The following POLR1E variants were observed in gnomAD, a reference collection of about 807,000 sequenced individuals.
POLR1E encodes the protein DNA-directed RNA polymerase I subunit RPA49.
In POLR1E, 37 loss-of-function variants were observed where a neutral mutation model predicts 50.9. That is an observed-to-expected ratio of 0.73 (90% confidence interval 0.56 to 0.96). The LOEUF (loss-of-function observed/expected upper bound fraction) is 0.96, where lower values mean the gene tolerates loss of function less well. Ranked by LOEUF, POLR1E falls within the 40% of genes least tolerant of loss-of-function variation. The pLI, the probability that POLR1E is intolerant of heterozygous loss-of-function variation, is 0.00. For missense variants in POLR1E, 426 were observed against 518.1 expected, an observed-to-expected ratio of 0.82 and a Z score of 1.73; for synonymous variants, 166 against 191.6, an observed-to-expected ratio of 0.87 and a Z score of 1.10.
At chr9:37,502,091 G>A (rs756033674) in intron 11 of POLR1E, among the ~76,000 whole-genome samples, 1 of 152,184 alleles carries the variant, frequency 6.6e-6, no homozygotes, top group Non-Finnish European at 1.5e-5. Context: ...AACAATTGAA[G>A]AATCAGGCTC....
chr9:37,492,421 T>TG (rs1428794070), intron 4 of POLR1E: 89 of 1,001,192 alleles, frequency 8.9e-5, no homozygotes, highest in Admixed American at 2.4e-4. Flanking sequence ...ATTTCTAAAA[T>TG]GAAGAGGTTG....
Position 37,493,675 on chromosome 9 carries a change from G to T in POLR1E, c.519G>T (p.Glu173Asp). The T allele has an allele frequency of 6.3e-7, 1 of 1,591,154 alleles. No homozygotes were observed. The highest frequency in any genetic ancestry group is 8.6e-7 in the Non-Finnish European group (1 of 1,167,182). Residue 173 changes from glutamate to aspartate, a missense_variant, in exon 6 of 12, where the codon GAG becomes GAT. Coordinates refer to ENST00000377798, the MANE Select transcript of POLR1E (RefSeq NM_022490.4). ...ATCGTGCAGTGGCTAAAGCTGCAGA[G>T]ACTATCATTGATACGAAGGGTGTGA... is the stretch of plus-strand genomic sequence containing the variant. ...SLNRAVAKAAETIIDTKGVTA... is the reference protein window; with the variant it reads ...SLNRAVAKAADTIIDTKGVTA...
At chr9:37,486,331 G>T in intron 1 of POLR1E, 1 of 1,356,320 alleles carries the variant, frequency 7.4e-7, no homozygotes, top group Non-Finnish European at 9.8e-7. Flanking sequence ...CCACTCACCC[G>T]CTCCCCAGAG....
At chr9:37,497,821 G>T (rs900831990) in intron 8 of POLR1E, among the ~76,000 whole-genome samples, 22 of 152,076 alleles carry the variant, frequency 1.4e-4, no homozygotes, top group African/African-American at 5.1e-4. Flanking sequence ...CTGGAGTACA[G>T]TGGCGCAGAC....
rs1284654784 is a variant in POLR1E at position 37,490,455 on chromosome 9, A to G, written c.343+1055A>G. 5.7e-6 allele frequency: 5 copies of G among 883,268 alleles called. No individual in the cohort carries two copies. The African/African-American group carries it at 8.2e-5, about 14-fold the overall frequency. The allele number at this position is 883,268 out of a possible 1,614,324, so 54.7% of individuals were successfully genotyped here. On this transcript the variant is annotated intron_variant, in intron 4 of 11. Coordinates refer to ENST00000377798, the MANE Select transcript of POLR1E (RefSeq NM_022490.4). ...GAATTCATAGGGAATAGGTTCCAGCAGCTCAGGCTGCTTCCCATTGGTTCT... is the reference window on the plus strand; with the variant it reads ...GAATTCATAGGGAATAGGTTCCAGCGGCTCAGGCTGCTTCCCATTGGTTCT...
rs780437875 is a variant in POLR1E, at chr9:37,503,383, T to A, written c.*181T>A. 94 of 656,920 alleles carry A rather than the reference T, an allele frequency of 1.4e-4. 1 individual carries two copies. Among genetic ancestry groups the A allele is most frequent in the Admixed American group, 4.2e-4 (12 of 28,398 alleles). 40.7% of individuals were successfully genotyped at this position (656,920 alleles called of 1,614,324 possible). ...ATTGAGCTCAGGAGTTTGAAACCAG[T>A]CTGGACAACATAGGGAGACCCCATC... On this transcript the variant is annotated 3_prime_UTR_variant, in exon 12 of 12. Coordinates refer to ENST00000377798, the MANE Select transcript of POLR1E (RefSeq NM_022490.4).
At position 37,500,924 on chromosome 9, in the gene POLR1E, CA is replaced by C. The variant is rs1820876298; in HGVS notation, c.968+4del. The stretch of plus-strand genomic sequence containing the variant: ...TGCTTGACCTACAACAATGGCAGGT[CA>C]GGGGGTGGTTGCTGGGATTTTTCTT... On this transcript the variant is annotated splice_donor_region_variant and intron_variant, in intron 10 of 11. Coordinates refer to ENST00000377798, the MANE Select transcript of POLR1E (RefSeq NM_022490.4). 8 of 1,611,502 alleles carry C rather than the reference CA, an allele frequency of 5.0e-6. No individual in the cohort carries two copies. The highest frequency in any genetic ancestry group is 6.8e-6 in the Non-Finnish European group (8 of 1,177,954).
intron 11 of POLR1E, among the ~76,000 whole-genome samples, chr9:37,502,336 G>A (rs964181637): frequency 1.7e-4 from 26 of 152,224 alleles, no homozygotes; most frequent in Non-Finnish European, 2.9e-5. Context: ...TCAGATGGAA[G>A]GGTTTGCCAG....
At position 37,493,530 on chromosome 9, in the gene POLR1E, C is replaced by G. The variant is rs754178609; in HGVS notation, c.403-29C>G. Reference sequence around the variant, plus strand: ...AGGGGCAGCACCTACCTGTCCTGTCCCCAGTAACCAGGTTTATCTCATAAA... The same window carrying G: ...AGGGGCAGCACCTACCTGTCCTGTCGCCAGTAACCAGGTTTATCTCATAAA... On this transcript the variant is annotated intron_variant, in intron 5 of 11. Transcript: ENST00000377798. 3 of 1,549,880 alleles carry G rather than the reference C, an allele frequency of 1.9e-6. No homozygotes were observed. In the South Asian group the frequency reaches 3.7e-5, roughly 19 times the overall value.
At chr9:37,489,564 A>C (rs1267559211) in intron 4 of POLR1E, among the ~76,000 whole-genome samples, 164 bp downstream of exon 4, 5 of 151,666 alleles carry the variant, frequency 3.3e-5, no homozygotes, top group Admixed American at 2.0e-4. Flanking sequence ...TTTTATATAC[A>C]CACTGTTTTT....
At position 37,486,036 on chromosome 9, in the gene POLR1E, C is replaced by G. The variant is rs769644660; in HGVS notation, c.-12C>G. 4 of 1,596,668 alleles carry G rather than the reference C, an allele frequency of 2.5e-6. No individual in the cohort carries two copies. Among genetic ancestry groups the G allele is most frequent in the Non-Finnish European group, 3.4e-6 (4 of 1,173,552 alleles). On this transcript the variant is annotated 5_prime_UTR_variant, in exon 1 of 12. Coordinates refer to ENST00000377798, the MANE Select transcript of POLR1E (RefSeq NM_022490.4). ...TGTCTTAACTCCTGTGCTTGGCGGA[C>G]AGACAGGCGAGATGGCGGCGGAGGT...
At chr9:37,499,087 C>T (rs566249854) in intron 9 of POLR1E, among the ~76,000 whole-genome samples, 2 of 152,198 alleles carry the variant, frequency 1.3e-5, no homozygotes, top group African/African-American at 4.8e-5. Flanking sequence ...ATTTGTATAT[C>T]TAAATATATC....
intron 3 of POLR1E, among the ~76,000 whole-genome samples, chr9:37,489,083 C>CA (rs1315783489): frequency 6.6e-6 from 1 of 151,836 alleles, no homozygotes; most frequent in African/African-American, 2.4e-5. Context: ...ATTAAAAATG[C>CA]AAAAATTAGC....
intron 4 of POLR1E, among the ~76,000 whole-genome samples, chr9:37,489,869 C>T (rs1240892983): frequency 1.3e-5 from 2 of 152,148 alleles, no homozygotes; most frequent in Non-Finnish European, 1.5e-5. Flanking sequence ...CCACTGCGCC[C>T]GGCCTAGAGT....
chr9:37,501,151 G>A (rs1231427449), intron 10 of POLR1E, among the ~76,000 whole-genome samples: 2 of 152,218 alleles, frequency 1.3e-5, no homozygotes, highest in African/African-American at 4.8e-5. Context: ...GAAGCTCTGG[G>A]AAGTCCTACA....
chr9:37,488,088 G>A, intron 3 of POLR1E, 149 bp downstream of exon 3: 1 of 692,064 alleles, frequency 1.4e-6, no homozygotes. Context: ...TAGACCCAGA[G>A]CCCTTCCCTG....
intron 9 of POLR1E, among the ~76,000 whole-genome samples, chr9:37,500,174 T>C (rs1050493336): frequency 6.6e-6 from 1 of 150,840 alleles, no homozygotes; most frequent in African/African-American, 2.4e-5. Context: ...TGTTTTGTTT[T>C]GTTTTGTTTT....
chr9:37,486,379 G>T, intron 1 of POLR1E: 1 of 1,495,300 alleles, frequency 6.7e-7, no homozygotes, highest in Non-Finnish European at 8.9e-7. Context: ...CACCCACCAG[G>T]TCTCCCGCCT....
chr9:37,501,046 A>T, intron 10 of POLR1E, 125 bp downstream of exon 10: 1 of 940,120 alleles, frequency 1.1e-6, no homozygotes, highest in Non-Finnish European at 1.6e-6. Flanking sequence ...GACTGCTGCC[A>T]TTTGGAAGGC....
Sources: gnomAD v4.1 joint callset for allele counts (sites outside exome capture counted in the v4.1 genomes callset) on GRCh38, gnomAD v4.1.1 for gene constraint, MANE v1.5 for transcripts, NCBI Gene and HGNC (gene_info 2026-07-23, HGNC 2026-07-21) for gene names.